The following NBEA variants were observed in gnomAD, a reference collection of about 807,000 sequenced individuals.
NBEA encodes neurobeachin.
Under a neutral mutation model 343.4 loss-of-function variants are expected in NBEA, and 44 were observed. That is an observed-to-expected ratio of 0.13 (90% CI 0.10 to 0.16). The LOEUF (loss-of-function observed/expected upper bound fraction) is 0.16. Among genes scored for constraint, NBEA ranks in the 10% least tolerant of loss-of-function variants. The pLI, the probability that NBEA is intolerant of heterozygous loss-of-function variation, is 1.00. For missense variants in NBEA, 2,555 were observed against 3,631.3 expected (o/e 0.70, Z 7.62); for synonymous variants, 1,175 against 1,238.7 (o/e 0.95, Z 1.08).
At chr13:35,308,404 G>T (rs1378933319) in intron 35 of NBEA, among the ~76,000 whole-genome samples, 1 of 127,618 alleles carries the variant, frequency 7.8e-6, no homozygotes, top group Non-Finnish European at 1.6e-5. Flanking sequence ...CCATTGGAAG[G>T]GATATAATTT....
intron 29 of NBEA, 34 bp from the exon 30 acceptor site, chr13:35,183,942 T>A: frequency 6.5e-7 from 1 of 1,537,518 alleles, no homozygotes; most frequent in Non-Finnish European, 9.0e-7. Flanking sequence ...TGTTACATGC[T>A]GGCTCAAATT....
chr13:35,670,446 TTGCCTTTACGTC>T (rs2085560813), intron 58 of NBEA, among the ~76,000 whole-genome samples: 1 of 152,118 alleles, frequency 6.6e-6, no homozygotes, highest in Non-Finnish European at 1.5e-5. Context: ...TGAGACGTCG[TTGCCTTTACGTC>T]CAGGGAGACT....
intron 38 of NBEA, among the ~76,000 whole-genome samples, chr13:35,366,449 A>G (rs949292862): frequency 4.6e-5 from 7 of 151,328 alleles, no homozygotes; most frequent in African/African-American, 1.5e-4. Context: ...TATGCATATT[A>G]TGACTGGATT....
intron 13 of NBEA, among the ~76,000 whole-genome samples, chr13:35,116,681 G>A (rs2066507817): frequency 1.3e-5 from 2 of 152,046 alleles, no homozygotes; most frequent in African/African-American, 2.4e-5. Flanking sequence ...AATACTGGTT[G>A]CTACAAGAAA....
intron 10 of NBEA, among the ~76,000 whole-genome samples, chr13:35,081,846 G>A (rs1046122248): frequency 6.6e-6 from 1 of 151,940 alleles, no homozygotes; most frequent in African/African-American, 2.4e-5. Flanking sequence ...TACATTCATA[G>A]AATGTGTAAT....
intron 34 of NBEA, chr13:35,251,323 G>T: frequency 1.0e-6 from 1 of 954,198 alleles, no homozygotes; most frequent in Non-Finnish European, 1.3e-6. Flanking sequence ...CTTCCAGCCT[G>T]TCACTGCCAG....
chr13:34,978,375 A>G (rs999081537), intron 1 of NBEA, among the ~76,000 whole-genome samples: 1 of 152,136 alleles, frequency 6.6e-6, no homozygotes, highest in African/African-American at 2.4e-5. Flanking sequence ...ACTTTATCAC[A>G]TATCTGTATT....
chr13:35,472,288 G>A (rs1034920050), intron 40 of NBEA, 112 bp from the exon 41 acceptor site: 1 of 1,156,488 alleles, frequency 8.6e-7, no homozygotes, highest in African/African-American at 1.5e-5. Flanking sequence ...CATAATACAG[G>A]CACCATTTTT....
At chr13:34,998,116 G>C (rs2060999329) in intron 1 of NBEA, among the ~76,000 whole-genome samples, 1 of 152,118 alleles carries the variant, frequency 6.6e-6, no homozygotes, top group Admixed American at 6.6e-5. Flanking sequence ...TTTTAAAGCT[G>C]GGTATCCGGG....
At chr13:35,479,796 G>C (rs142949921) in intron 41 of NBEA, among the ~76,000 whole-genome samples, 8 of 152,116 alleles carry the variant, frequency 5.3e-5, no homozygotes, top group African/African-American at 1.9e-4. Context: ...GAATAAAATT[G>C]TGTGTGTGTC....
At chr13:35,413,773 A>G (rs2043731400) in intron 38 of NBEA, among the ~76,000 whole-genome samples, 1 of 152,156 alleles carries the variant, frequency 6.6e-6, no homozygotes, top group African/African-American at 2.4e-5. Flanking sequence ...GTTCTCGTAT[A>G]GCCACACTCA....
intron 47 of NBEA, among the ~76,000 whole-genome samples, chr13:35,596,118 A>ATG (rs145947109): frequency 2.0e-5 from 3 of 151,010 alleles, no homozygotes; most frequent in South Asian, 2.1e-4. Context: ...GTGTGTGTGT[A>ATG]TGTGTGTGTG....
At chr13:35,368,002 T>G (rs1054401298) in intron 38 of NBEA, among the ~76,000 whole-genome samples, 2 of 151,536 alleles carry the variant, frequency 1.3e-5, no homozygotes, top group Non-Finnish European at 3.0e-5. Flanking sequence ...CACCTTTCAT[T>G]AAATTTGATG....
At chr13:35,226,046 A>C (rs2074633497) in intron 33 of NBEA, among the ~76,000 whole-genome samples, 1 of 152,192 alleles carries the variant, frequency 6.6e-6, no homozygotes, top group South Asian at 2.1e-4. Flanking sequence ...ATTAACTGCT[A>C]TTCCAGAAAA....
chr13:35,012,285 G>T (rs2061513975), intron 1 of NBEA, among the ~76,000 whole-genome samples: 1 of 152,102 alleles, frequency 6.6e-6, no homozygotes, highest in Non-Finnish European at 1.5e-5. Context: ...AGAGCAAGAG[G>T]GGGCCTAAGT....
intron 38 of NBEA, among the ~76,000 whole-genome samples, chr13:35,425,940 G>A (rs2044636053): frequency 6.6e-6 from 1 of 152,152 alleles, no homozygotes; most frequent in Non-Finnish European, 1.5e-5. Context: ...TTGGTTTAAA[G>A]TCTGTTTTAT....
At chr13:35,046,215 G>T (rs2152561395) in intron 4 of NBEA, among the ~76,000 whole-genome samples, 1 of 151,940 alleles carries the variant, frequency 6.6e-6, no homozygotes, top group South Asian at 2.1e-4. Flanking sequence ...TCTAGTTTTT[G>T]GCTGTTATAA....
intron 39 of NBEA, among the ~76,000 whole-genome samples, chr13:35,444,577 T>G (rs2045900096): frequency 6.6e-6 from 1 of 152,100 alleles, no homozygotes; most frequent in Admixed American, 6.6e-5. Context: ...AATGCCATCC[T>G]GTTCAACAGA....
intron 48 of NBEA, among the ~76,000 whole-genome samples, chr13:35,607,996 C>G (rs1257945183): frequency 1.3e-5 from 2 of 151,980 alleles, no homozygotes; most frequent in African/African-American, 4.8e-5. Flanking sequence ...ATGGGGTTCT[C>G]CTCCCCTCCT....
Sources: allele counts gnomAD v4.1 joint callset (sites outside exome capture counted in the v4.1 genomes callset), GRCh38; gene constraint gnomAD v4.1.1; transcripts MANE v1.5; gene names NCBI Gene and HGNC (gene_info 2026-07-23, HGNC 2026-07-21).